Variants in DNAJC1 observed in about 807,000 individuals in gnomAD.
DNAJC1 encodes dnaJ homolog subfamily C member 1.
A neutral mutation model predicts 76.6 loss-of-function variants in DNAJC1; 58 were observed. That is an observed-to-expected ratio of 0.76 (90% CI 0.61 to 0.94). The LOEUF is 0.94. DNAJC1 is among the 40% of genes least tolerant of loss of function. The pLI is 0.00. For missense variants in DNAJC1, 689 were observed against 677.3 expected, an observed-to-expected ratio of 1.02 and a Z score of -0.19; for synonymous variants, 258 against 267.9, an observed-to-expected ratio of 0.96 and a Z score of 0.36.
intron 9 of DNAJC1, among the ~76,000 whole-genome samples, chr10:21,777,307 T>C (rs556581507): frequency 1.3e-5 from 2 of 152,286 alleles, no homozygotes; most frequent in South Asian, 2.1e-4. Flanking sequence ...CCAAAGACTA[T>C]ATAAGAATCT....
intron 9 of DNAJC1, chr10:21,804,107 T>C (rs1834852951): frequency 3.4e-6 from 1 of 298,228 alleles, no homozygotes; most frequent in African/African-American, 2.3e-5. Context: ...GCTTTGTTGG[T>C]TATATCCTGT....
At chr10:21,788,158 G>A (rs566702146) in intron 9 of DNAJC1, among the ~76,000 whole-genome samples, 2 of 152,222 alleles carry the variant, frequency 1.3e-5, no homozygotes, top group African/African-American at 4.8e-5. Context: ...CCAGAGGAAA[G>A]GGTGCTTTGA....
At chr10:21,961,357 T>C in intron 1 of DNAJC1, among the ~76,000 whole-genome samples, 1 of 152,142 alleles carries the variant, frequency 6.6e-6, no homozygotes. Context: ...ATAAACAAAA[T>C]GCAGTATATA....
At chr10:21,768,414 G>A (rs966766213) in intron 9 of DNAJC1, among the ~76,000 whole-genome samples, 1 of 152,146 alleles carries the variant, frequency 6.6e-6, no homozygotes, top group Non-Finnish European at 1.5e-5. Context: ...TCTCAGCTGG[G>A]TAACAGACAG....
intron 9 of DNAJC1, among the ~76,000 whole-genome samples, chr10:21,790,215 A>G (rs2131633711): frequency 6.6e-6 from 1 of 151,736 alleles, no homozygotes; most frequent in African/African-American, 2.4e-5. Flanking sequence ...AAGTGTTCAT[A>G]TTATGGAAGT....
At chr10:21,955,138 G>C (rs1007663885) in intron 1 of DNAJC1, among the ~76,000 whole-genome samples, 5 of 152,234 alleles carry the variant, frequency 3.3e-5, no homozygotes, top group African/African-American at 1.2e-4. Context: ...CTGGGCAGGG[G>C]GGAACAGCCC....
At chr10:21,833,901 T>C (rs567922287) in intron 8 of DNAJC1, among the ~76,000 whole-genome samples, 4 of 152,080 alleles carry the variant, frequency 2.6e-5, no homozygotes, top group Admixed American at 6.6e-5. Context: ...CACAGAAATG[T>C]GCTACTAGAA....
intron 8 of DNAJC1, among the ~76,000 whole-genome samples, chr10:21,814,809 T>C (rs1293777748): frequency 6.6e-6 from 1 of 152,110 alleles, no homozygotes; most frequent in Non-Finnish European, 1.5e-5. Flanking sequence ...CCAGTGAAAG[T>C]GGAACAAAAG....
intron 7 of DNAJC1, among the ~76,000 whole-genome samples, chr10:21,889,933 C>T (rs1333663630): frequency 6.6e-6 from 1 of 152,194 alleles, no homozygotes; most frequent in Non-Finnish European, 1.5e-5. Context: ...TAGGCTGCTG[C>T]CATTGCCAGC....
At position 21,759,343 on chromosome 10, in the gene DNAJC1, C is replaced by G. The variant is rs762976522; in HGVS notation, c.1423G>C (p.Glu475Gln). The G allele has an allele frequency of 9.5e-5, 154 of 1,614,110 alleles. 2 individuals are homozygous for G. In the South Asian group the frequency reaches 1.7e-3, roughly 17 times the overall value. The change falls in exon 11 of 12, where the codon GAA becomes CAA. Residue 475 changes from glutamate to glutamine, a missense_variant. Physicochemically the swap from Glu to Gln is conservative, Grantham distance 29. Transcript: ENST00000376980. ...TCCTCGTCGCTGGACTCGTTTTGTT[C>G]TGCTATGTCAAAGTCCTTCTGCCGC... ...AKRQKDFDIAEQNESSDEESL... is the reference protein window; with the variant it reads ...AKRQKDFDIAQQNESSDEESL...
rs1836851721 is a variant in DNAJC1, at chr10:21,911,045, AAGGAAGG to A, written c.730-6440_730-6434del. Among the ~76,000 whole-genome samples the A allele has an allele frequency of 4.5e-4, 4 of 8,926 alleles. No individual in the cohort carries two copies. The South Asian group carries it at 0.019, about 41-fold the overall frequency. 5.9% of individuals were successfully genotyped at this position (8,926 alleles called of 152,430 possible). A position where few individuals can be genotyped will look rare whatever the true frequency, so the allele number is the denominator to read the frequency against. On this transcript the variant is annotated intron_variant, in intron 6 of 11. Coordinates refer to ENST00000376980, the MANE Select transcript of DNAJC1 (RefSeq NM_022365.4). ...AAAGAGAAAGAAAGAGAGAGAAAGG[AAGGAAGG>A]AAGGAAGGAAGGAAGGAAGGAAGGA...
chr10:21,876,573 ATT>A (rs1427115817), intron 8 of DNAJC1, among the ~76,000 whole-genome samples: 1 of 152,226 alleles, frequency 6.6e-6, no homozygotes, highest in Non-Finnish European at 1.5e-5. Flanking sequence ...TGCATTAAAC[ATT>A]TATATGAAAA....
At position 21,759,370 on chromosome 10, in the gene DNAJC1, T is replaced by C. The variant is rs1834213669; in HGVS notation, c.1396A>G (p.Lys466Glu). The C allele has an allele frequency of 1.2e-6, 2 of 1,614,230 alleles. No individual in the cohort carries two copies. Among genetic ancestry groups the C allele is most frequent in the Non-Finnish European group, 1.7e-6 (2 of 1,180,036 alleles). ...KPEPEEKSRA[K>E]RQKDFDIAEQ... is the part of the protein sequence containing the mutation. The stretch of plus-strand genomic sequence containing the variant: ...GCTATGTCAAAGTCCTTCTGCCGCT[T>C]GGCTCTGGACTTCTCCTCTGGCTCC... Residue 466 changes from lysine to glutamate, a missense_variant, in exon 11 of 12, where the codon AAG (lysine) becomes GAG (glutamate). Lys to Glu is a moderately conservative substitution (Grantham distance 56). Transcript: ENST00000376980.
intron 9 of DNAJC1, among the ~76,000 whole-genome samples, chr10:21,779,028 G>A (rs372291375): frequency 6.6e-6 from 1 of 152,354 alleles, no homozygotes; most frequent in East Asian, 1.9e-4. Context: ...CGAACTGCAA[G>A]ATGGCAGCGA....
At position 21,829,389 on chromosome 10, in the gene DNAJC1, T is replaced by C. The variant is rs571840922; in HGVS notation, c.979-23290A>G. Among the ~76,000 whole-genome samples the C allele has an allele frequency of 7.2e-5, 11 of 152,314 alleles. No individual in the cohort carries two copies. In the East Asian group the frequency reaches 1.9e-3, roughly 27 times the overall value. On this transcript the variant is annotated intron_variant, in intron 8 of 11. Coordinates refer to ENST00000376980, the MANE Select transcript of DNAJC1 (RefSeq NM_022365.4). The stretch of plus-strand genomic sequence containing the variant: ...CCACTATGCCCGGCTAATTTCTTTT[T>C]GTATTTTTAGTAGAGATGGGGTTTC...
intron 1 of DNAJC1, among the ~76,000 whole-genome samples, chr10:21,980,303 A>G (rs749144843): frequency 3.9e-5 from 6 of 152,262 alleles, no homozygotes; most frequent in South Asian, 4.1e-4. Context: ...AACCTGGCAG[A>G]CACTTAACCA....
intron 8 of DNAJC1, among the ~76,000 whole-genome samples, chr10:21,863,586 C>T (rs1835950720): frequency 6.6e-6 from 1 of 151,968 alleles, no homozygotes. Flanking sequence ...TGTACACAGA[C>T]ATAAACTGAA....
intron 9 of DNAJC1, among the ~76,000 whole-genome samples, chr10:21,790,106 T>C (rs548463072): frequency 3.4e-5 from 5 of 147,126 alleles, no homozygotes; most frequent in African/African-American, 1.0e-4. Context: ...ACACAGGTCA[T>C]TGGAAATTAC....
chr10:21,804,323 T>C (rs979238321), intron 9 of DNAJC1, among the ~76,000 whole-genome samples: 1 of 152,146 alleles, frequency 6.6e-6, no homozygotes, highest in Non-Finnish European at 1.5e-5. Context: ...TTAGTATTAC[T>C]ATTATTTTTC....
Sources: allele counts gnomAD v4.1 joint callset (sites outside exome capture counted in the v4.1 genomes callset), GRCh38; gene constraint gnomAD v4.1.1; transcripts MANE v1.5; gene names NCBI Gene and HGNC (gene_info 2026-07-23, HGNC 2026-07-21).